ABCC5: variants seen among roughly 807,000 people sequenced by gnomAD.
ABCC5 encodes ATP-binding cassette sub-family C member 5.
In ABCC5, 61 loss-of-function variants were observed where a neutral mutation model predicts 160.9. The observed-to-expected ratio is 0.38, with a 90% CI of 0.31 to 0.47. ABCC5 has a LOEUF of 0.47. Among genes scored for constraint, ABCC5 ranks in the 20% least tolerant of loss-of-function variants. The pLI, the probability that ABCC5 is intolerant of heterozygous loss-of-function variation, is 0.99. For synonymous variants in ABCC5, 666 were observed against 700.6 expected, an observed-to-expected ratio of 0.95 and a Z score of 0.78; for missense variants, 1,308 against 1,813.3, an observed-to-expected ratio of 0.72 and a Z score of 5.06.
At chr3:183,957,318 T>C in intron 17 of ABCC5, among the ~76,000 whole-genome samples, 1 of 111,956 alleles carries the variant, frequency 8.9e-6, no homozygotes, top group African/African-American at 3.2e-5. Flanking sequence ...GTAAATCACA[T>C]CGGTTACATG....
At position 183,951,746 on chromosome 3, in the gene ABCC5, G is replaced by T; in HGVS notation, c.2814+111C>A. ...CGGAATATGAGTCATCTCAGCCAGGGCCATCCTGGTTAAGGGAGCTCCCCT... is the reference window on the plus strand; with the variant it reads ...CGGAATATGAGTCATCTCAGCCAGGTCCATCCTGGTTAAGGGAGCTCCCCT... On this transcript the variant is annotated intron_variant, in intron 19 of 29. Coordinates refer to ENST00000334444, the MANE Select transcript of ABCC5 (RefSeq NM_005688.4). The surrounding 1 kb of genome is among the most constrained non-coding windows in gnomAD (Gnocchi z 4.7). The T allele has an allele frequency of 6.7e-7, 1 of 1,490,608 alleles. No individual in the cohort carries two copies. Among genetic ancestry groups the T allele is most frequent in the Non-Finnish European group, 9.1e-7 (1 of 1,098,740 alleles). The allele number at this position is 1,490,608 out of a possible 1,614,324, so 92.3% of individuals were successfully genotyped here.
chr3:184,010,798 C>CTTCTT (rs1721665318), intron 2 of ABCC5, among the ~76,000 whole-genome samples: 1 of 136,630 alleles, frequency 7.3e-6, no homozygotes, highest in Non-Finnish European at 1.6e-5. Flanking sequence ...CATTCTTCTT[C>CTTCTT]TTTTTTTTTT....
intron 2 of ABCC5, among the ~76,000 whole-genome samples, chr3:184,005,689 G>A (rs920487916): frequency 4.6e-5 from 7 of 151,666 alleles, no homozygotes; most frequent in African/African-American, 1.7e-4. Context: ...TAAATGACGA[G>A]TTAATGGGTG....
In ABCC5 at chr3:183,987,977, C is replaced by T; in HGVS notation, c.444-60G>A. 1 of 1,577,942 alleles carries T rather than the reference C, an allele frequency of 6.3e-7. No individual in the cohort carries two copies. On this transcript the variant is annotated intron_variant, in intron 4 of 29. Transcript: ENST00000334444. This position sits in a 1 kb window ranked among gnomAD's most constrained non-coding sequence, Gnocchi z 4.2. The stretch of plus-strand genomic sequence containing the variant: ...CTCGGGGGAAAGGCACACCTAGCTC[C>T]CCGCCTGCCACCACTTTTTGTCTCC...
chr3:183,936,122 A>T (rs1713690457), intron 26 of ABCC5, among the ~76,000 whole-genome samples: 1 of 152,228 alleles, frequency 6.6e-6, no homozygotes, highest in South Asian at 2.1e-4. Flanking sequence ...GGCCTCAAGA[A>T]GAGGAGACAC....
intron 26 of ABCC5, among the ~76,000 whole-genome samples, chr3:183,929,427 C>T (rs1712950315): frequency 1.3e-5 from 2 of 152,046 alleles, no homozygotes; most frequent in Admixed American, 6.6e-5. Flanking sequence ...AGTGAGACTC[C>T]ATCTCAATAA....
chr3:183,951,760 G>C lies in ABCC5; in HGVS notation c.2814+97C>G. 1 of 1,528,400 alleles carries C rather than the reference G, an allele frequency of 6.5e-7. No homozygotes were observed. The highest frequency in any genetic ancestry group is 1.2e-5 in the South Asian group (1 of 83,562). The allele number at this position is 1,528,400 out of a possible 1,614,324, so 94.7% of individuals were successfully genotyped here. ...TCTCAGCCAGGGCCATCCTGGTTAA[G>C]GGAGCTCCCCTACTCAGCATGAACT... is the stretch of plus-strand genomic sequence containing the variant. On this transcript the variant is annotated intron_variant, in intron 19 of 29. Transcript: ENST00000334444. The surrounding 1 kb of genome is among the most constrained non-coding windows in gnomAD (Gnocchi z 4.7).
intron 17 of ABCC5, among the ~76,000 whole-genome samples, chr3:183,957,394 T>A (rs1393074584): frequency 2.8e-5 from 3 of 108,390 alleles, no homozygotes; most frequent in East Asian, 3.9e-4. Flanking sequence ...GGTTACATGC[T>A]TATCCGTGTG....
chr3:183,928,138 G>A (rs1342701164), intron 27 of ABCC5, among the ~76,000 whole-genome samples: 1 of 144,892 alleles, frequency 6.9e-6, no homozygotes, highest in Non-Finnish European at 1.5e-5. Flanking sequence ...TTGAGACAGA[G>A]TTTTGCTCTT....
intron 26 of ABCC5, among the ~76,000 whole-genome samples, chr3:183,933,165 CAA>C (rs55863712): frequency 6.5e-4 from 48 of 73,722 alleles, no homozygotes; most frequent in African/African-American, 1.5e-3. Context: ...GAGACTGTCT[CAA>C]AAAAAAAAAA....
In ABCC5 at chr3:183,949,511, TG is replaced by T. The variant is rs1715148351; in HGVS notation, c.3227+241del. Reference sequence around the variant, plus strand: ...CTCCAGCCTCAGCCTCCTGAGTAGCTGTGACTATAGGCACGTGATGCCGCAT... The same window carrying T: ...CTCCAGCCTCAGCCTCCTGAGTAGCTTGACTATAGGCACGTGATGCCGCAT... On this transcript the variant is annotated intron_variant, in intron 22 of 29. Coordinates refer to ENST00000334444, the MANE Select transcript of ABCC5 (RefSeq NM_005688.4). This position sits in a 1 kb window ranked among gnomAD's most constrained non-coding sequence, Gnocchi z 4.2. 1.3e-5 allele frequency among the ~76,000 whole-genome samples: 2 copies of T among 152,276 alleles called. No individual in the cohort carries two copies. Among genetic ancestry groups the T allele is most frequent in the Admixed American group, 1.3e-4 (2 of 15,288 alleles).
In ABCC5 at chr3:183,987,897, T is replaced by C; in HGVS notation, c.464A>G (p.Glu155Gly). The change falls in exon 5 of 30, where the codon GAA (glutamate) becomes GGA (glycine). Residue 155 changes from glutamate (E) to glycine (G), a missense_variant. By Grantham distance (98) the Glu-to-Gly change is moderately conservative. Around this residue, in one of 3 missense-constraint regions of ABCC5, gnomAD observed 1,142 missense variants for 1,527.1 expected, o/e 0.75. Transcript: ENST00000334444. This position sits in a 1 kb window ranked among gnomAD's most constrained non-coding sequence, Gnocchi z 4.2. ...NCRRLERLWQ[E>G]ELNEVGPDAA... is the part of the protein sequence containing the mutation. ...GTCTGGCCCAACTTCATTCAGCTCT[T>C]CTTGCCACAGTCTCTCTAGTCTTAA... 1 of 1,614,174 alleles carries C rather than the reference T, an allele frequency of 6.2e-7. No homozygotes were observed. Among genetic ancestry groups the C allele is most frequent in the Non-Finnish European group, 8.5e-7 (1 of 1,180,042 alleles).
At chr3:183,954,864 T>C (rs1015053080) in intron 17 of ABCC5, among the ~76,000 whole-genome samples, 6 of 152,138 alleles carry the variant, frequency 3.9e-5, no homozygotes, top group Admixed American at 3.9e-4. Flanking sequence ...ACATGAGACA[T>C]CAATCAATAT....
chr3:183,921,293 G>A lies in ABCC5; in HGVS notation c.*7C>T. On this transcript the variant is annotated 3_prime_UTR_variant, in exon 30 of 30. Transcript: ENST00000334444. The surrounding 1 kb of genome is among the most constrained non-coding windows in gnomAD (Gnocchi z 4.1). ...TAAAGAAAAGAGACTTCGTCAACAG[G>A]GAGGAGTCAGCCCTTGACAGCGACC... 6.7e-7 allele frequency: 1 copy of A among 1,486,896 alleles called. No homozygotes were observed. The allele number at this position is 1,486,896 out of a possible 1,614,324, so 92.1% of individuals were successfully genotyped here.
At position 183,967,826 on chromosome 3, in the gene ABCC5, G is replaced by C. The variant is rs1717367826; in HGVS notation, c.1762-60C>G. ...AGACTACTAACCACTCATCGCTAAG[G>C]ACTTGAGGAAAAACACATTAACTGT... On this transcript the variant is annotated intron_variant, in intron 11 of 29. Transcript: ENST00000334444. The C allele has an allele frequency of 2.2e-6, 3 of 1,378,614 alleles. No homozygotes were observed. In the Admixed American group the frequency reaches 5.1e-5, roughly 23 times the overall value. 85.4% of individuals were successfully genotyped at this position (1,378,614 alleles called of 1,614,324 possible). A position where few individuals can be genotyped will look rare whatever the true frequency, so the allele number is the denominator to read the frequency against.
chr3:183,936,157 ACACCACAGGCATG>A (rs970132156), intron 26 of ABCC5, among the ~76,000 whole-genome samples: 3 of 152,118 alleles, frequency 2.0e-5, no homozygotes, highest in Non-Finnish European at 4.4e-5. Flanking sequence ...CCGCGGGCAC[ACACCACAGGCATG>A]CACCACAGGC....
chr3:183,954,438 C>CGT (rs1560001497), intron 17 of ABCC5, among the ~76,000 whole-genome samples: 1 of 152,148 alleles, frequency 6.6e-6, no homozygotes, highest in Non-Finnish European at 1.5e-5. Context: ...CATGAGCCAC[C>CGT]GCACCTAGCT....
At chr3:183,956,152 G>A (rs1276953835) in intron 17 of ABCC5, among the ~76,000 whole-genome samples, 11 of 128,896 alleles carry the variant, frequency 8.5e-5, no homozygotes, top group African/African-American at 1.1e-4. Flanking sequence ...ATGCAGATCC[G>A]TGTGTAAATC....
chr3:183,950,938 C>A (rs1196138916), intron 20 of ABCC5, among the ~76,000 whole-genome samples: 1 of 152,168 alleles, frequency 6.6e-6, no homozygotes. Flanking sequence ...CTTGACCTTT[C>A]CAGATAGCAG....
Sources: allele counts gnomAD v4.1 joint callset (sites outside exome capture counted in the v4.1 genomes callset), GRCh38; gene constraint gnomAD v4.1.1; regional missense constraint gnomAD v4.1.1; non-coding constraint Gnocchi (gnomAD v3.1); transcripts MANE v1.5; gene names NCBI Gene and HGNC (gene_info 2026-07-23, HGNC 2026-07-21).